The following TANK variants were observed in gnomAD, a reference collection of about 807,000 sequenced individuals.
TANK encodes TRAF family member-associated NF-kappa-B activator.
A neutral mutation model predicts 43.6 loss-of-function variants in TANK; 15 were observed. The observed-to-expected ratio is 0.34, with a 90% CI of 0.23 to 0.53. The LOEUF (loss-of-function observed/expected upper bound fraction) is 0.53, where lower values mean the gene tolerates loss of function less well. Among genes scored for constraint, TANK ranks in the 20% least tolerant of loss-of-function variants. The pLI is 0.94. For synonymous variants in TANK, 162 were observed against 178.2 expected (o/e 0.91, Z 0.73); for missense variants, 417 against 498.6 (o/e 0.84, Z 1.56).
chr2:161,202,271 G>C (rs566799152), intron 2 of TANK, among the ~76,000 whole-genome samples: 8 of 141,012 alleles, frequency 5.7e-5, no homozygotes, highest in African/African-American at 2.1e-4. Flanking sequence ...CTCACTGCAA[G>C]CTCCGCCTCC....
chr2:161,212,985 A>C (rs948591104), intron 4 of TANK, among the ~76,000 whole-genome samples: 2 of 152,256 alleles, frequency 1.3e-5, no homozygotes, highest in Non-Finnish European at 2.9e-5. Context: ...GGCCGAAGGC[A>C]AAGAGGAGCC....
At chr2:161,221,636 C>T (rs943345194) in intron 4 of TANK, among the ~76,000 whole-genome samples, 6 of 150,882 alleles carry the variant, frequency 4.0e-5, no homozygotes, top group African/African-American at 1.5e-4. Context: ...AACCCGACTT[C>T]AAAATGTCTG....
chr2:161,220,369 G>A (rs1170541289), intron 4 of TANK, among the ~76,000 whole-genome samples: 8 of 152,188 alleles, frequency 5.3e-5, no homozygotes, highest in African/African-American at 1.7e-4. Context: ...TTCGGAGGCC[G>A]AGGTGGGCAG....
chr2:161,197,081 A>G (rs2105332111), intron 2 of TANK, among the ~76,000 whole-genome samples: 1 of 152,336 alleles, frequency 6.6e-6, no homozygotes, highest in Non-Finnish European at 1.5e-5. Context: ...TGTCAATAGC[A>G]GTTACCCTTG....
intron 1 of TANK, among the ~76,000 whole-genome samples, chr2:161,162,209 A>G (rs1368566439): frequency 6.6e-6 from 1 of 152,144 alleles, no homozygotes; most frequent in Non-Finnish European, 1.5e-5. Flanking sequence ...TCCTTTAAAA[A>G]TACCAATCTG....
At position 161,147,752 on chromosome 2, in the gene TANK, G is replaced by T. The variant is rs1234140476; in HGVS notation, c.-50+10689G>T. ...CCTCCAATCGCTGCTCCTTCTAGTC[G>T]GCCATCATGTCCTCACCTGTGACTT... On this transcript the variant is annotated intron_variant, in intron 1 of 7. Transcript: ENST00000259075. 6.0e-5 allele frequency among the ~76,000 whole-genome samples: 9 copies of T among 151,164 alleles called. No homozygotes were observed. The East Asian group carries it at 1.5e-3, about 26-fold the overall frequency.
At position 161,179,689 on chromosome 2, in the gene TANK, C is replaced by A. The variant is rs751419492; in HGVS notation, c.27C>A (p.Leu9=). 5 of 1,613,124 alleles carry A rather than the reference C, an allele frequency of 3.1e-6. No individual in the cohort carries two copies. In the Admixed American group the frequency reaches 8.4e-5, roughly 27 times the overall value. Residue 9 remains leucine (L), a synonymous_variant, in exon 2 of 8, where the codon CTC becomes CTA. Transcript: ENST00000392749. Reference sequence around the variant, plus strand: ...TGGATAAAAACATTGGCGAGCAACTCAATAAAGCGTATGAAGCCTTCCGGC... The same window carrying A: ...TGGATAAAAACATTGGCGAGCAACTAAATAAAGCGTATGAAGCCTTCCGGC... MDKNIGEQ[L]NKAYEAFRQA... is the part of the protein sequence containing the mutation.
intron 4 of TANK, among the ~76,000 whole-genome samples, chr2:161,218,182 C>T (rs1273700090): frequency 4.6e-5 from 7 of 152,114 alleles, no homozygotes; most frequent in Non-Finnish European, 8.8e-5. Flanking sequence ...AAAGGCTATA[C>T]CAAAGGTTTC....
At chr2:161,165,257 G>A (rs542892980) in intron 1 of TANK, among the ~76,000 whole-genome samples, 4 of 152,042 alleles carry the variant, frequency 2.6e-5, no homozygotes, top group African/African-American at 7.2e-5. Context: ...ATTGAACAGC[G>A]AAACAACCCA....
chr2:161,191,070 C>T (rs1267072), intron 2 of TANK, among the ~76,000 whole-genome samples: 40,234 of 152,062 alleles, frequency 0.26, 5,692 homozygotes, highest in East Asian at 0.4. Flanking sequence ...TGTCTATACT[C>T]CACATCAGTT....
chr2:161,186,942 A>G (rs1157281549), intron 2 of TANK, among the ~76,000 whole-genome samples: 1 of 152,258 alleles, frequency 6.6e-6, no homozygotes, highest in Non-Finnish European at 1.5e-5. Flanking sequence ...TCATTAGGAA[A>G]ATGGAAATCA....
At chr2:161,147,296 C>A (rs1036118288) in intron 1 of TANK, among the ~76,000 whole-genome samples, 3 of 152,230 alleles carry the variant, frequency 2.0e-5, no homozygotes, top group Non-Finnish European at 4.4e-5. Context: ...TCTCTCCCCC[C>A]AAGGAGCTCA....
At chr2:161,147,735 C>G (rs945074518) in intron 1 of TANK, among the ~76,000 whole-genome samples, 1 of 149,200 alleles carries the variant, frequency 6.7e-6, no homozygotes, top group Non-Finnish European at 1.5e-5. Context: ...AGCCTCCAAT[C>G]GCTGCTCCTT....
At chr2:161,173,946 A>C (rs1573983161) in intron 1 of TANK, among the ~76,000 whole-genome samples, 1 of 152,178 alleles carries the variant, frequency 6.6e-6, no homozygotes, top group Admixed American at 6.5e-5. Flanking sequence ...AAAAGGTGAA[A>C]GGGAAAACTT....
chr2:161,210,783 CAGTG>C (rs1478159843), intron 4 of TANK, among the ~76,000 whole-genome samples: 1 of 151,632 alleles, frequency 6.6e-6, no homozygotes, highest in African/African-American at 2.4e-5. Context: ...TTAAAATTCT[CAGTG>C]AGCTTAAGAT....
intron 1 of TANK, among the ~76,000 whole-genome samples, chr2:161,138,803 AG>A (rs1248058943): frequency 6.6e-6 from 1 of 152,256 alleles, no homozygotes; most frequent in East Asian, 1.9e-4. Context: ...AGTTCTGATT[AG>A]AATTTCATGA....
chr2:161,223,801 T>C (rs1687471135), intron 4 of TANK, 114 bp from the exon 5 acceptor site: 1 of 638,020 alleles, frequency 1.6e-6, no homozygotes, highest in Admixed American at 2.6e-5. Context: ...TGTCTCAAGT[T>C]ATTTTTCAGT....
intron 4 of TANK, among the ~76,000 whole-genome samples, chr2:161,205,997 T>C (rs1328140754): frequency 1.3e-5 from 2 of 152,134 alleles, no homozygotes; most frequent in African/African-American, 4.8e-5. Context: ...AAAACACAAA[T>C]ATGTAATAAA....
At chr2:161,221,423 C>T (rs1031469818) in intron 4 of TANK, among the ~76,000 whole-genome samples, 1 of 152,112 alleles carries the variant, frequency 6.6e-6, no homozygotes, top group East Asian at 1.9e-4. Flanking sequence ...AGTTATCTTA[C>T]TCTCTGAGAT....
Sources: allele counts gnomAD v4.1 joint callset (sites outside exome capture counted in the v4.1 genomes callset), GRCh38; gene constraint gnomAD v4.1.1; transcripts MANE v1.5; gene names NCBI Gene and HGNC (gene_info 2026-07-23, HGNC 2026-07-21).